The following CEP112 variants were observed in gnomAD, a reference collection of about 807,000 sequenced individuals.
CEP112 encodes centrosomal protein 112, also known as centrosomal protein of 112 kDa.
A neutral mutation model predicts 153.0 loss-of-function variants in CEP112; 127 were observed. The ratio of observed to expected loss-of-function variants is 0.83; its 90% CI spans 0.72 to 0.96. The LOEUF (loss-of-function observed/expected upper bound fraction) is 0.96. CEP112 is among the 40% of genes least tolerant of loss of function. The probability of loss-of-function intolerance (pLI) is 0.00; values close to 1 mark genes in which losing one functional copy is unlikely to be tolerated. For synonymous variants in CEP112, 358 were observed against 374.4 expected, an observed-to-expected ratio of 0.96 and a Z score of 0.51; for missense variants, 1,089 against 1,101.2, an observed-to-expected ratio of 0.99 and a Z score of 0.16.
intron 8 of CEP112, among the ~76,000 whole-genome samples, chr17:66,077,473 C>T (rs745753773): frequency 1.3e-4 from 20 of 152,076 alleles, no homozygotes; most frequent in African/African-American, 2.7e-4. Flanking sequence ...CAGAGCTTGA[C>T]GACAAGGTCT....
At chr17:65,937,683 G>T (rs1469507083) in intron 18 of CEP112, among the ~76,000 whole-genome samples, 1 of 96,408 alleles carries the variant, frequency 1.0e-5, no homozygotes, top group Non-Finnish European at 2.1e-5. Context: ...CTGCCCGGCC[G>T]CCCCTACTGG....
intron 1 of CEP112, among the ~76,000 whole-genome samples, chr17:66,190,459 A>G (rs1032212405): frequency 7.2e-5 from 11 of 152,256 alleles, no homozygotes; most frequent in African/African-American, 2.7e-4. Flanking sequence ...AAATAAGTAA[A>G]GCAACATCTT....
chr17:66,002,158 T>C (rs760546406), intron 17 of CEP112, among the ~76,000 whole-genome samples: 5 of 152,158 alleles, frequency 3.3e-5, no homozygotes, highest in African/African-American at 4.8e-5. Context: ...TTCTGAAATA[T>C]CAACTTGAGC....
At chr17:66,189,338 T>TA (rs1176788407) in intron 1 of CEP112, among the ~76,000 whole-genome samples, 1 of 151,328 alleles carries the variant, frequency 6.6e-6, no homozygotes, top group East Asian at 2.0e-4. Flanking sequence ...CCGTCTCTAC[T>TA]AAAAATACCA....
rs529016883 is a variant in CEP112, at chr17:66,103,348, T to TA, written c.643-6717dup. On this transcript the variant is annotated intron_variant, in intron 6 of 26. Transcript: ENST00000535342. ...AGTGGAATCCTAAACAGCATTTTTT[T>TA]AAAAAAGATAAGAAAAGGAAAAAGG... Among the ~76,000 whole-genome samples the TA allele has an allele frequency of 6.6e-5, 10 of 152,008 alleles. No individual in the cohort carries two copies. In the East Asian group the frequency reaches 1.9e-3, roughly 29 times the overall value.
intron 4 of CEP112, among the ~76,000 whole-genome samples, chr17:66,134,475 T>C (rs2070347706): frequency 6.6e-6 from 1 of 152,338 alleles, no homozygotes. Context: ...TAATCTGTCC[T>C]TAATTTAGTT....
Position 66,029,899 on chromosome 17 carries a change from G to A in CEP112, c.1343C>T (p.Thr448Met), listed in dbSNP as rs759982554. The change falls in exon 13 of 27, where the codon ACG (threonine) becomes ATG (methionine). Residue 448 changes from threonine to methionine, a missense_variant. Physicochemically the swap from Thr to Met is moderately conservative, Grantham distance 81 (BLOSUM62 -1). Coordinates refer to ENST00000535342, the MANE Select transcript of CEP112 (RefSeq NM_001199165.4). ...CTTTACTTCTTGTAATTCACTACACGTTATCTGGTAACATCTTTCAAGTTC... is the reference window on the plus strand; with the variant it reads ...CTTTACTTCTTGTAATTCACTACACATTATCTGGTAACATCTTTCAAGTTC... ...KAELERCYQI[T>M]CSELQEVKAR... 1.9e-5 allele frequency: 31 copies of A among 1,613,558 alleles called. No individual in the cohort carries two copies. Among genetic ancestry groups the A allele is most frequent in the Middle Eastern group, 1.7e-4 (1 of 6,058 alleles).
At chr17:65,748,623 T>C (rs2051616034) in intron 22 of CEP112, among the ~76,000 whole-genome samples, 1 of 152,234 alleles carries the variant, frequency 6.6e-6, no homozygotes, top group Non-Finnish European at 1.5e-5. Flanking sequence ...ATTTTTGGCA[T>C]TGTTTTACTT....
chr17:65,787,138 G>A (rs947169516), intron 21 of CEP112, among the ~76,000 whole-genome samples: 3 of 152,196 alleles, frequency 2.0e-5, no homozygotes, highest in African/African-American at 7.2e-5. Context: ...GTATGTGGTA[G>A]GAGGGAAATA....
chr17:65,653,251 G>A (rs1195413346), intron 24 of CEP112, among the ~76,000 whole-genome samples: 3 of 152,206 alleles, frequency 2.0e-5, no homozygotes, highest in Non-Finnish European at 2.9e-5. Flanking sequence ...GGGAACCATT[G>A]CTTTATTGTA....
intron 2 of CEP112, 24 bp from the exon 3 acceptor site, chr17:66,177,044 G>C: frequency 6.4e-7 from 1 of 1,555,094 alleles, no homozygotes; most frequent in Non-Finnish European, 8.7e-7. Context: ...AGAACTATTA[G>C]AAATTTTATT....
intron 1 of CEP112, among the ~76,000 whole-genome samples, chr17:66,188,238 C>T (rs1193624035): frequency 6.6e-6 from 1 of 151,674 alleles, no homozygotes; most frequent in Admixed American, 6.6e-5. Context: ...CAAAGTTAGG[C>T]ATACAAGTAC....
rs1270808840 is a variant in CEP112 at position 65,876,876 on chromosome 17, T to C, written c.2164-24842A>G. Among the ~76,000 whole-genome samples the C allele has an allele frequency of 2.0e-5, 3 of 152,176 alleles. No individual in the cohort carries two copies. In the East Asian group the frequency reaches 5.8e-4, roughly 29 times the overall value. On this transcript the variant is annotated intron_variant, in intron 20 of 26. Transcript: ENST00000535342. ...TTCAGAGCAGCCTGTTCTTCTTTTA[T>C]GAATATTATATCATTTTCGATATTT...
intron 24 of CEP112, among the ~76,000 whole-genome samples, chr17:65,667,140 T>C (rs1312643199): frequency 1.3e-5 from 2 of 152,150 alleles, no homozygotes; most frequent in Non-Finnish European, 2.9e-5. Context: ...GTGTAATGCA[T>C]ACCACAGCAT....
intron 24 of CEP112, among the ~76,000 whole-genome samples, chr17:65,647,610 G>T (rs2045512354): frequency 6.6e-6 from 1 of 150,912 alleles, no homozygotes; most frequent in Non-Finnish European, 1.5e-5. Flanking sequence ...CCGAGTAGCT[G>T]GGACTACAGG....
At chr17:66,141,920 G>T (rs1389255653) in intron 4 of CEP112, among the ~76,000 whole-genome samples, 7 of 152,038 alleles carry the variant, frequency 4.6e-5, no homozygotes. Context: ...TGGATCATAA[G>T]GTAATTCTAT....
chr17:65,898,229 C>T (rs991848020), intron 20 of CEP112, among the ~76,000 whole-genome samples: 1 of 152,046 alleles, frequency 6.6e-6, no homozygotes, highest in African/African-American at 2.4e-5. Context: ...GTAGGTATAA[C>T]AAGAACATTC....
At chr17:65,991,619 T>C (rs1326056763) in intron 17 of CEP112, among the ~76,000 whole-genome samples, 1 of 152,128 alleles carries the variant, frequency 6.6e-6, no homozygotes, top group African/African-American at 2.4e-5. Context: ...CTAAACAGAA[T>C]AAAATTTCTT....
At chr17:65,927,711 TATTA>T in intron 18 of CEP112, 22 bp from the exon 19 acceptor site, 1 of 1,425,496 alleles carries the variant, frequency 7.0e-7, no homozygotes, top group South Asian at 1.4e-5. Flanking sequence ...AAAAATCAAA[TATTA>T]ATTTTTTAAA....
Sources: allele counts gnomAD v4.1 joint callset (sites outside exome capture counted in the v4.1 genomes callset), GRCh38; gene constraint gnomAD v4.1.1; transcripts MANE v1.5; gene names NCBI Gene and HGNC (gene_info 2026-07-23, HGNC 2026-07-21).